The following PPP4R4 variants were observed in gnomAD, a reference collection of about 807,000 sequenced individuals.
PPP4R4 encodes the protein serine/threonine-protein phosphatase 4 regulatory subunit 4.
A neutral mutation model predicts 121.8 loss-of-function variants in PPP4R4; 70 were observed. The ratio of observed to expected loss-of-function variants is 0.57; its 90% CI spans 0.47 to 0.70. The LOEUF (loss-of-function observed/expected upper bound fraction) is 0.70. Among genes scored for constraint, PPP4R4 ranks in the 30% least tolerant of loss-of-function variants. The probability of loss-of-function intolerance (pLI) is 0.00; values close to 1 mark genes in which losing one functional copy is unlikely to be tolerated. For missense variants in PPP4R4, 875 were observed against 1,033.6 expected, an observed-to-expected ratio of 0.85 and a Z score of 2.10; for synonymous variants, 348 against 355.7, an observed-to-expected ratio of 0.98 and a Z score of 0.24.
At chr14:94,257,372 C>T (rs1173741119) in intron 17 of PPP4R4, among the ~76,000 whole-genome samples, 1 of 151,844 alleles carries the variant, frequency 6.6e-6, no homozygotes, top group East Asian at 1.9e-4. Flanking sequence ...AACTTCAGGA[C>T]ACATTGTTTT....
rs967440280 is a variant in PPP4R4 at position 94,250,076 on chromosome 14, T to G, written c.1612-96T>G. On this transcript the variant is annotated intron_variant, in intron 14 of 24. Transcript: ENST00000304338. ...GTGAGTTGAGAGGCAGTGAACACTT[T>G]AGTTTTGTCAATAACTTAAAATTGA... 4 of 760,650 alleles carry G rather than the reference T, an allele frequency of 5.3e-6. No individual in the cohort carries two copies. In the Admixed American group the frequency reaches 8.1e-5, roughly 15 times the overall value. The allele number at this position is 760,650 out of a possible 1,614,324, so 47.1% of individuals were successfully genotyped here. A position where few individuals can be genotyped will look rare whatever the true frequency, so the allele number is the denominator to read the frequency against.
rs759650202 is a variant in PPP4R4 at position 94,174,439 on chromosome 14, C to T, written c.-27C>T. 3 of 1,544,492 alleles carry T rather than the reference C, an allele frequency of 1.9e-6. No individual in the cohort carries two copies. The highest frequency in any genetic ancestry group is 1.7e-6 in the Non-Finnish European group (2 of 1,147,290). ...TCCGGCATCCCGGGGCCGCTCCGGC[C>T]CGGGCGGCGAGAGTGCCCGGCGGTC... On this transcript the variant is annotated 5_prime_UTR_variant, in exon 1 of 25. Coordinates refer to ENST00000304338, the MANE Select transcript of PPP4R4 (RefSeq NM_058237.2).
intron 19 of PPP4R4, 58 bp from the exon 20 acceptor site, chr14:94,264,820 C>T: frequency 7.6e-7 from 1 of 1,309,658 alleles, no homozygotes; most frequent in Non-Finnish European, 1.1e-6. Flanking sequence ...TTTCTCAGAA[C>T]AATTTTCTAG....
At chr14:94,182,900 G>A (rs948849806) in intron 2 of PPP4R4, among the ~76,000 whole-genome samples, 6 of 152,102 alleles carry the variant, frequency 3.9e-5, no homozygotes, top group Non-Finnish European at 8.8e-5. Flanking sequence ...GTGTCTGAGT[G>A]GTCCCAGCCT....
intron 10 of PPP4R4, among the ~76,000 whole-genome samples, 164 bp downstream of exon 10, chr14:94,242,121 G>A (rs1020159873): frequency 8.6e-5 from 13 of 151,936 alleles, no homozygotes; most frequent in African/African-American, 2.7e-4. Flanking sequence ...ATATCTCTAC[G>A]TATAAATCAG....
chr14:94,209,488 A>G, intron 3 of PPP4R4, among the ~76,000 whole-genome samples: 1 of 152,232 alleles, frequency 6.6e-6, no homozygotes, highest in East Asian at 1.9e-4. Flanking sequence ...TGTTATTTTC[A>G]TGAGATGCCC....
intron 2 of PPP4R4, among the ~76,000 whole-genome samples, chr14:94,199,282 A>AG (rs1321907069): frequency 6.6e-6 from 1 of 152,254 alleles, no homozygotes; most frequent in Non-Finnish European, 1.5e-5. Flanking sequence ...GACCGCTCGC[A>AG]GGGCGTGCAG....
chr14:94,237,480 C>G, intron 7 of PPP4R4, 85 bp from the exon 8 acceptor site: 2 of 1,274,926 alleles, frequency 1.6e-6, no homozygotes, highest in Non-Finnish European at 2.2e-6. Flanking sequence ...TTTTCTGCAG[C>G]AACTAGCCCA....
intron 2 of PPP4R4, among the ~76,000 whole-genome samples, chr14:94,176,633 C>T (rs1322174696): frequency 2.0e-5 from 3 of 151,956 alleles, no homozygotes; most frequent in Non-Finnish European, 4.4e-5. Flanking sequence ...GTCGAGCCTA[C>T]TGTCATTTCA....
Position 94,246,410 on chromosome 14 carries a change from T to C in PPP4R4, c.1482T>C (p.Ala494=). The C allele has an allele frequency of 1.2e-6, 2 of 1,614,186 alleles. No homozygotes were observed. The highest frequency in any genetic ancestry group is 3.3e-4 in the Middle Eastern group (2 of 6,062). ...IPALTAAEQR[A]AASLKWRTHE... ...CACTCACAGCTGCTGAACAGCGAGC[T>C]GCAGCCTCTTTAAAATGGAGAACTC... is the stretch of plus-strand genomic sequence containing the variant. The change falls in exon 14 of 25, where the codon GCT becomes GCC. Residue 494 remains alanine, a synonymous_variant. Transcript: ENST00000304338.
At chr14:94,209,855 ATCTGG>A (rs1352182284) in intron 3 of PPP4R4, among the ~76,000 whole-genome samples, 2 of 152,102 alleles carry the variant, frequency 1.3e-5, no homozygotes, top group Non-Finnish European at 2.9e-5. Flanking sequence ...AGCAGGTAAA[ATCTGG>A]TCCACAGAAA....
intron 2 of PPP4R4, among the ~76,000 whole-genome samples, chr14:94,197,897 C>G (rs1174633929): frequency 3.3e-5 from 5 of 152,030 alleles, no homozygotes. Context: ...CTTTTTATTG[C>G]TATATGGATA....
At chr14:94,218,742 G>GCGCA (rs1353229437) in intron 3 of PPP4R4, among the ~76,000 whole-genome samples, 1 of 134,280 alleles carries the variant, frequency 7.4e-6, no homozygotes, top group African/African-American at 2.9e-5. Context: ...ACGTGCGCGC[G>GCGCA]CGCACACACA....
At chr14:94,259,147 C>T in intron 18 of PPP4R4, 148 bp from the exon 19 acceptor site, 1 of 1,366,418 alleles carries the variant, frequency 7.3e-7, no homozygotes, top group Non-Finnish European at 9.8e-7. Context: ...CGGTCCCTCC[C>T]ACAACATGTG....
At position 94,237,694 on chromosome 14, in the gene PPP4R4, A is replaced by G; in HGVS notation, c.853+8A>G. The G allele has an allele frequency of 6.2e-7, 1 of 1,611,098 alleles. No homozygotes were observed. Among genetic ancestry groups the G allele is most frequent in the Non-Finnish European group, 8.5e-7 (1 of 1,177,720 alleles). On this transcript the variant is annotated splice_region_variant and intron_variant, in intron 8 of 24. Coordinates refer to ENST00000304338, the MANE Select transcript of PPP4R4 (RefSeq NM_058237.2). ...TTGATATATTTGATACAGGTAAATC[A>G]TGTGGCTACATCTTTGCTTCTGAAA...
chr14:94,200,742 A>G (rs935004866), intron 2 of PPP4R4, among the ~76,000 whole-genome samples: 3 of 150,042 alleles, frequency 2.0e-5, no homozygotes, highest in Admixed American at 2.0e-4. Flanking sequence ...TAATCTCGCT[A>G]GTGGTCTATC....
chr14:94,223,143 A>G (rs552344853), intron 3 of PPP4R4, among the ~76,000 whole-genome samples: 132 of 152,220 alleles, frequency 8.7e-4, no homozygotes, highest in African/African-American at 3.1e-3. Flanking sequence ...CTCTTGAACC[A>G]TGTATGTATC....
At chr14:94,277,138 A>G (rs904802620) in intron 24 of PPP4R4, among the ~76,000 whole-genome samples, 1 of 152,098 alleles carries the variant, frequency 6.6e-6, no homozygotes, top group African/African-American at 2.4e-5. Flanking sequence ...GTCTCTACTA[A>G]AAAATTACAA....
chr14:94,223,182 T>A (rs982088454), intron 3 of PPP4R4, among the ~76,000 whole-genome samples: 12 of 152,186 alleles, frequency 7.9e-5, no homozygotes, highest in African/African-American at 2.4e-4. Context: ...GAGCTCCTTT[T>A]GGCATGTTTA....
Sources: allele counts gnomAD v4.1 joint callset (sites outside exome capture counted in the v4.1 genomes callset), GRCh38; gene constraint gnomAD v4.1.1; transcripts MANE v1.5; gene names NCBI Gene and HGNC (gene_info 2026-07-23, HGNC 2026-07-21).